SBNO1: variants seen among roughly 807,000 people sequenced by gnomAD.
The protein encoded by SBNO1 is protein strawberry notch homolog 1.
In SBNO1, 23 loss-of-function variants were observed where a neutral mutation model predicts 173.6. The observed-to-expected ratio is 0.13, with a 90% CI of 0.10 to 0.19. The LOEUF is 0.19. Ranked by LOEUF, SBNO1 falls within the 10% of genes least tolerant of loss-of-function variation. SBNO1 has a pLI of 1.00. For synonymous variants in SBNO1, 632 were observed against 571.5 expected, an observed-to-expected ratio of 1.11 and a Z score of -1.51; for missense variants, 1,238 against 1,671.2, an observed-to-expected ratio of 0.74 and a Z score of 4.52.
At chr12:123,350,505 T>C in intron 1 of SBNO1, 64 bp from the exon 2 acceptor site, 1 of 1,281,862 alleles carries the variant, frequency 7.8e-7, no homozygotes, top group Non-Finnish European at 1.1e-6. Context: ...AACTCCCCTC[T>C]AAATATAAAC....
chr12:123,303,542 G>A (rs2048844127), intron 29 of SBNO1, among the ~76,000 whole-genome samples: 1 of 152,132 alleles, frequency 6.6e-6, no homozygotes, highest in African/African-American at 2.4e-5. Context: ...CCAGCTACTT[G>A]GGAAGCTGAG....
chr12:123,304,512 A>C, intron 29 of SBNO1, 70 bp downstream of exon 29: 3 of 1,185,912 alleles, frequency 2.5e-6, no homozygotes, highest in Non-Finnish European at 3.7e-6. Flanking sequence ...CTGAGATTAC[A>C]GGTGTGAGCC....
intron 1 of SBNO1, among the ~76,000 whole-genome samples, chr12:123,355,029 C>CT (rs956002251): frequency 9.3e-5 from 14 of 150,720 alleles, no homozygotes; most frequent in East Asian, 2.0e-4. Flanking sequence ...GTTTCTTTTT[C>CT]TTTTTTTTTG....
At chr12:123,338,987 C>T (rs1462482121) in intron 5 of SBNO1, among the ~76,000 whole-genome samples, 3 of 147,692 alleles carry the variant, frequency 2.0e-5, no homozygotes, top group Middle Eastern at 7.1e-3. Context: ...TACTTAACTG[C>T]TAAGCCAATA....
intron 16 of SBNO1, 118 bp from the exon 17 acceptor site, chr12:123,321,850 T>G: frequency 3.6e-6 from 3 of 833,184 alleles, no homozygotes; most frequent in Non-Finnish European, 3.8e-6. Flanking sequence ...AGTATTTAGG[T>G]TAAGTCAAAA....
chr12:123,313,859 TG>T, intron 23 of SBNO1, 140 bp from the exon 24 acceptor site: 1 of 522,900 alleles, frequency 1.9e-6, no homozygotes, highest in East Asian at 3.1e-5. Context: ...GAGGTCGAGG[TG>T]GGTGGATCAC....
At position 123,325,555 on chromosome 12, in the gene SBNO1, T is replaced by C; in HGVS notation, c.1920A>G (p.Leu640=). 1 of 1,613,564 alleles carries C rather than the reference T, an allele frequency of 6.2e-7. No individual in the cohort carries two copies. Among genetic ancestry groups the C allele is most frequent in the South Asian group, 1.1e-5 (1 of 91,076 alleles). ...CTCCCCCGCCCTCTTCCAAAGCTTC[T>C]AATGTTCTAGCTTCTCCTGTAGACT... ...GLQSTGEART[L]EALEEGGGEL... is the part of the protein sequence containing the mutation. The change falls in exon 15 of 32, where the codon TTA becomes TTG. Residue 640 remains leucine, a synonymous_variant. Coordinates refer to ENST00000602398, the MANE Select transcript of SBNO1 (RefSeq NM_001167856.3).
In SBNO1 at chr12:123,331,518, A is replaced by G. The variant is rs1871204261; in HGVS notation, c.910-143T>C. On this transcript the variant is annotated intron_variant, in intron 7 of 31. Transcript: ENST00000602398. Reference sequence around the variant, plus strand: ...GTGACTTTATTTTTACATAAATTTCATAGAGTTTTGGATTTTTTTTTGAGA... The same window carrying G: ...GTGACTTTATTTTTACATAAATTTCGTAGAGTTTTGGATTTTTTTTTGAGA... 8.3e-6 allele frequency: 7 copies of G among 843,466 alleles called. No individual in the cohort carries two copies. The Middle Eastern group carries it at 9.3e-4, about 112-fold the overall frequency. The allele number at this position is 843,466 out of a possible 1,614,324, so 52.2% of individuals were successfully genotyped here. A position where few individuals can be genotyped will look rare whatever the true frequency, so the allele number is the denominator to read the frequency against.
At position 123,309,947 on chromosome 12, in the gene SBNO1, TAA is replaced by T. The variant is rs938863947; in HGVS notation, c.3296-93_3296-92del. ...TTAGTTCAAGTCCCACTTTCTCTTCTAAAAGTCTTCCTTCTTAACTCTTACAC... is the reference window on the plus strand; with the variant it reads ...TTAGTTCAAGTCCCACTTTCTCTTCTAAGTCTTCCTTCTTAACTCTTACAC... On this transcript the variant is annotated intron_variant, in intron 25 of 31. Transcript: ENST00000602398. The T allele has an allele frequency of 4.0e-6, 4 of 1,000,782 alleles. No individual in the cohort carries two copies. The Admixed American group carries it at 7.1e-5, about 18-fold the overall frequency. 62.0% of individuals were successfully genotyped at this position (1,000,782 alleles called of 1,614,324 possible). A position where few individuals can be genotyped will look rare whatever the true frequency, so the allele number is the denominator to read the frequency against.
At chr12:123,322,295 G>A (rs576437437) in intron 16 of SBNO1, among the ~76,000 whole-genome samples, 178 of 151,606 alleles carry the variant, frequency 1.2e-3, no homozygotes, top group Non-Finnish European at 2.3e-3. Context: ...ACCATGACCA[G>A]ATATTTTTTT....
At chr12:123,333,780 G>C (rs1871517623) in intron 7 of SBNO1, among the ~76,000 whole-genome samples, 1 of 152,106 alleles carries the variant, frequency 6.6e-6, no homozygotes, top group South Asian at 2.1e-4. Flanking sequence ...TTGCAGACAT[G>C]AGCCACTGTG....
chr12:123,332,448 C>A (rs534238020), intron 7 of SBNO1, among the ~76,000 whole-genome samples: 6 of 152,038 alleles, frequency 3.9e-5, no homozygotes, highest in African/African-American at 1.4e-4. Context: ...TGTGCCACCA[C>A]GCACAGCTAG....
rs771121576 is a variant in SBNO1 at position 123,315,647 on chromosome 12, T to C, written c.2949A>G (p.Arg983=). 5.6e-6 allele frequency: 9 copies of C among 1,610,510 alleles called. No individual in the cohort carries two copies. The South Asian group carries it at 8.8e-5, about 16-fold the overall frequency. ...ACTCAGGAGCAGTAACTTGGTTTGA[T>C]CTATGAGTACGTCCTGCAACGAAAT... ...RAIQQFGRTH[R]SNQVTAPEYV... is the part of the protein sequence containing the mutation. Residue 983 remains arginine (R), a synonymous_variant, in exon 22 of 32, where the codon AGA becomes AGG. Transcript: ENST00000602398.
At chr12:123,327,360 C>T in intron 13 of SBNO1, 66 bp downstream of exon 13, 1 of 1,423,726 alleles carries the variant, frequency 7.0e-7, no homozygotes, top group Non-Finnish European at 9.7e-7. Context: ...ATCGCAATCG[C>T]CAAAACTAAC....
chr12:123,307,285 G>C (rs2048943219), intron 28 of SBNO1, among the ~76,000 whole-genome samples: 1 of 151,966 alleles, frequency 6.6e-6, no homozygotes, highest in East Asian at 1.9e-4. Flanking sequence ...CAGCAGCTTA[G>C]GCCTGTGGAA....
intron 7 of SBNO1, among the ~76,000 whole-genome samples, chr12:123,333,263 A>T (rs143403673): frequency 7.1e-6 from 1 of 141,646 alleles, no homozygotes; most frequent in East Asian, 2.1e-4. Context: ...ATATGACTGA[A>T]ATCATTTCAA....
intron 30 of SBNO1, among the ~76,000 whole-genome samples, chr12:123,301,201 TTTCACCATGTTG>T (rs1352449586): frequency 2.0e-5 from 3 of 152,050 alleles, no homozygotes; most frequent in African/African-American, 4.8e-5. Flanking sequence ...AGAGACGTGG[TTTCACCATGTTG>T]GCCAGGCTGG....
chr12:123,338,992 C>T (rs1872221902), intron 5 of SBNO1, among the ~76,000 whole-genome samples: 1 of 147,090 alleles, frequency 6.8e-6, no homozygotes, highest in African/African-American at 2.5e-5. Context: ...AACTGCTAAG[C>T]CAATAAAAAA....
chr12:123,358,660 G>A (rs796588652), intron 1 of SBNO1, among the ~76,000 whole-genome samples: 4 of 141,766 alleles, frequency 2.8e-5, no homozygotes, highest in African/African-American at 1.0e-4. Context: ...GGAGAATGGC[G>A]TGAACCCAGG....
Sources: allele counts gnomAD v4.1 joint callset (sites outside exome capture counted in the v4.1 genomes callset), GRCh38; gene constraint gnomAD v4.1.1; transcripts MANE v1.5; gene names NCBI Gene and HGNC (gene_info 2026-07-23, HGNC 2026-07-21).